The following TSPAN5 variants were observed in gnomAD, a reference collection of about 807,000 sequenced individuals.
TSPAN5 encodes tetraspanin 5.
In TSPAN5, 10 loss-of-function variants were observed where a neutral mutation model predicts 37.1. The observed-to-expected ratio is 0.27, with a 90% confidence interval of 0.17 to 0.46. The LOEUF is 0.46. Ranked by LOEUF, TSPAN5 falls within the 20% of genes least tolerant of loss-of-function variation. The pLI, the probability that TSPAN5 is intolerant of heterozygous loss-of-function variation, is 1.00. For missense variants in TSPAN5, 195 were observed against 326.6 expected, an observed-to-expected ratio of 0.60 and a Z score of 3.11; for synonymous variants, 110 against 118.9, an observed-to-expected ratio of 0.93 and a Z score of 0.48.
chr4:98,530,394 C>T (rs959089826), intron 1 of TSPAN5, among the ~76,000 whole-genome samples: 11 of 152,206 alleles, frequency 7.2e-5, no homozygotes, highest in African/African-American at 2.4e-4. Context: ...ATATCCCCAT[C>T]ATACAAATGA....
chr4:98,617,909 C>A lies in TSPAN5; in HGVS notation c.81+40237G>T, dbSNP rs114859050. 3.8e-3 allele frequency among the ~76,000 whole-genome samples: 580 copies of A among 152,348 alleles called. 3 individuals carry two copies. The highest frequency in any genetic ancestry group is 0.013 in the African/African-American group (551 of 41,576). The stretch of plus-strand genomic sequence containing the variant: ...CATCATTTTCAAAGCTAGAGCTGGA[C>A]AGGCCCCAGATATCCAAGAAACCAT... On this transcript the variant is annotated intron_variant, in intron 1 of 7. Transcript: ENST00000305798.
chr4:98,491,826 C>T (rs1753093355), intron 2 of TSPAN5, among the ~76,000 whole-genome samples: 1 of 152,002 alleles, frequency 6.6e-6, no homozygotes, highest in Admixed American at 6.6e-5. Flanking sequence ...TCATTCAGCT[C>T]AATTTGACAG....
At chr4:98,520,734 C>T (rs1753835093) in intron 1 of TSPAN5, among the ~76,000 whole-genome samples, 1 of 152,212 alleles carries the variant, frequency 6.6e-6, no homozygotes, top group Non-Finnish European at 1.5e-5. Context: ...TGCATAGATA[C>T]AGGATAAATT....
At chr4:98,620,261 G>A (rs1756451206) in intron 1 of TSPAN5, among the ~76,000 whole-genome samples, 1 of 152,152 alleles carries the variant, frequency 6.6e-6, no homozygotes, top group Admixed American at 6.5e-5. Context: ...CCACCCGGAG[G>A]CCACCCAGTC....
intron 1 of TSPAN5, among the ~76,000 whole-genome samples, chr4:98,653,113 C>T (rs1579057863): frequency 6.6e-6 from 1 of 152,164 alleles, no homozygotes; most frequent in Non-Finnish European, 1.5e-5. Context: ...ATTTAGATTC[C>T]CATATGGTTG....
intron 3 of TSPAN5, chr4:98,482,973 G>GT (rs368074106): frequency 3.9e-5 from 6 of 152,166 alleles, no homozygotes; most frequent in African/African-American, 1.4e-4. Context: ...GTAACTGCCC[G>GT]TAACTCTGGA....
intron 1 of TSPAN5, among the ~76,000 whole-genome samples, chr4:98,635,411 T>C (rs1756832693): frequency 6.6e-6 from 1 of 152,270 alleles, no homozygotes; most frequent in Non-Finnish European, 1.5e-5. Flanking sequence ...ATCCCCTACA[T>C]GAGGAAGGGA....
intron 1 of TSPAN5, among the ~76,000 whole-genome samples, chr4:98,579,465 T>C (rs913880628): frequency 6.6e-6 from 1 of 152,180 alleles, no homozygotes; most frequent in African/African-American, 2.4e-5. Context: ...GGATTCATGG[T>C]TCTGTTTTTT....
At chr4:98,590,198 T>A (rs1390360727) in intron 1 of TSPAN5, among the ~76,000 whole-genome samples, 1 of 152,130 alleles carries the variant, frequency 6.6e-6, no homozygotes, top group Non-Finnish European at 1.5e-5. Context: ...ATTCAATTTA[T>A]AAAATGAATA....
chr4:98,491,024 T>C (rs1015466489), intron 2 of TSPAN5, among the ~76,000 whole-genome samples: 3 of 151,492 alleles, frequency 2.0e-5, no homozygotes, highest in South Asian at 2.1e-4. Flanking sequence ...ATCGCACCAC[T>C]GCACTCCAGC....
At chr4:98,501,252 G>A (rs904676818) in intron 2 of TSPAN5, among the ~76,000 whole-genome samples, 6 of 152,066 alleles carry the variant, frequency 3.9e-5, no homozygotes, top group African/African-American at 9.7e-5. Context: ...GAAACCACAC[G>A]TATTTACCTC....
intron 1 of TSPAN5, among the ~76,000 whole-genome samples, chr4:98,622,223 G>A (rs1421048987): frequency 6.6e-6 from 1 of 152,092 alleles, no homozygotes; most frequent in Non-Finnish European, 1.5e-5. Flanking sequence ...GGGATTACAG[G>A]TGCCCACTAC....
chr4:98,493,282 T>C (rs1420977512), intron 2 of TSPAN5, among the ~76,000 whole-genome samples: 3 of 152,250 alleles, frequency 2.0e-5, no homozygotes, highest in Admixed American at 6.5e-5. Context: ...TTGGCATCTA[T>C]ATTCCATAGG....
intron 1 of TSPAN5, among the ~76,000 whole-genome samples, chr4:98,534,702 G>A (rs1323077210): frequency 1.3e-5 from 2 of 152,174 alleles, no homozygotes; most frequent in African/African-American, 2.4e-5. Context: ...GGGTGCTCCT[G>A]TATTGGATGC....
chr4:98,643,810 G>C (rs905083979), intron 1 of TSPAN5, among the ~76,000 whole-genome samples: 9 of 152,116 alleles, frequency 5.9e-5, no homozygotes, highest in African/African-American at 2.2e-4. Flanking sequence ...AAAGAACTTG[G>C]TACCAAAGAA....
chr4:98,600,645 TC>T (rs1755862387), intron 1 of TSPAN5, among the ~76,000 whole-genome samples: 1 of 152,188 alleles, frequency 6.6e-6, no homozygotes, highest in Non-Finnish European at 1.5e-5. Context: ...TAATTCTAGT[TC>T]TCTTGCTATC....
chr4:98,568,226 A>G (rs896417192), intron 1 of TSPAN5, among the ~76,000 whole-genome samples: 5 of 152,088 alleles, frequency 3.3e-5, no homozygotes, highest in Admixed American at 3.3e-4. Flanking sequence ...CAGTCCTCTT[A>G]TTCCACAGGG....
intron 1 of TSPAN5, among the ~76,000 whole-genome samples, chr4:98,575,363 C>CTT (rs556634724): frequency 2.2e-5 from 3 of 136,934 alleles, no homozygotes; most frequent in African/African-American, 5.3e-5. Flanking sequence ...CTGGCGGGCT[C>CTT]TTTTTTTTTT....
chr4:98,652,764 C>T (rs772853378), intron 1 of TSPAN5, among the ~76,000 whole-genome samples: 18 of 152,200 alleles, frequency 1.2e-4, no homozygotes, highest in Non-Finnish European at 2.5e-4. Context: ...GTTAAAAATG[C>T]AGATTGCTTT....
Sources: gnomAD v4.1 joint callset for allele counts (sites outside exome capture counted in the v4.1 genomes callset) on GRCh38, gnomAD v4.1.1 for gene constraint, MANE v1.5 for transcripts, NCBI Gene and HGNC (gene_info 2026-07-23, HGNC 2026-07-21) for gene names.